Variants in SYT9 observed in about 807,000 individuals in gnomAD.
SYT9 encodes synaptotagmin-9.
Under a neutral mutation model 48.4 loss-of-function variants are expected in SYT9, and 22 were observed. The ratio of observed to expected loss-of-function variants is 0.45; its 90% CI spans 0.32 to 0.65. SYT9 has a LOEUF of 0.65. Among genes scored for constraint, SYT9 ranks in the 30% least tolerant of loss-of-function variants. The pLI, the probability that SYT9 is intolerant of heterozygous loss-of-function variation, is 0.03. For synonymous variants in SYT9, 265 were observed against 245.0 expected (o/e 1.08, Z -0.76); for missense variants, 577 against 622.0 (o/e 0.93, Z 0.77).
In SYT9 at chr11:7,242,973, G is replaced by A. The variant is rs1847755076; in HGVS notation, c.49+4057G>A. ...AGGCGGGAGAATTGCTTGAACCCGG[G>A]AGGCGGAGGTTGCAGTGAGCTGAGA... On this transcript the variant is annotated intron_variant and NMD_transcript_variant, in intron 1 of 8. Coordinates refer to the SYT9 transcript ENST00000524820. 2.6e-5 allele frequency among the ~76,000 whole-genome samples: 4 copies of A among 152,270 alleles called. No individual in the cohort carries two copies. The South Asian group carries it at 8.3e-4, about 32-fold the overall frequency.
At chr11:7,431,191 A>G (rs1451844119) in intron 6 of SYT9, among the ~76,000 whole-genome samples, 3 of 152,236 alleles carry the variant, frequency 2.0e-5, no homozygotes, top group African/African-American at 7.2e-5. Context: ...ATTGGGAACA[A>G]GAGCAAAGGT....
chr11:7,320,049 T>C (rs1046273681), intron 3 of SYT9, among the ~76,000 whole-genome samples: 1 of 152,244 alleles, frequency 6.6e-6, no homozygotes, highest in African/African-American at 2.4e-5. Context: ...AAAGCCATTT[T>C]GCTTATACTA....
chr11:7,247,697 T>C (rs1488356555), upstream of SYT9, among the ~76,000 whole-genome samples: 1 of 149,452 alleles, frequency 6.7e-6, no homozygotes, highest in East Asian at 2.0e-4. Context: ...TATATATATA[T>C]ATATCACAGT....
chr11:7,386,861 C>T (rs547804596), intron 3 of SYT9, among the ~76,000 whole-genome samples: 72 of 152,252 alleles, frequency 4.7e-4, no homozygotes, highest in African/African-American at 1.5e-3. Context: ...ATGTTTATTG[C>T]GGCACTATTC....
intron 6 of SYT9, among the ~76,000 whole-genome samples, chr11:7,451,687 G>A (rs527599070): frequency 2.0e-5 from 3 of 152,264 alleles, no homozygotes; most frequent in East Asian, 1.9e-4. Context: ...GGAACTATCC[G>A]GAAAAGTCAC....
chr11:7,364,394 C>A (rs1483309425), intron 3 of SYT9, among the ~76,000 whole-genome samples: 2 of 152,146 alleles, frequency 1.3e-5, no homozygotes, highest in African/African-American at 4.8e-5. Context: ...CAATACATAG[C>A]TACATTTTGT....
At chr11:7,284,815 A>G (rs1421655854) in intron 1 of SYT9, among the ~76,000 whole-genome samples, 2 of 152,180 alleles carry the variant, frequency 1.3e-5, no homozygotes, top group South Asian at 2.1e-4. Context: ...TTAGTCTTCT[A>G]TGTTTACTTG....
At chr11:7,406,263 A>G (rs1287919566) in intron 3 of SYT9, among the ~76,000 whole-genome samples, 2 of 151,946 alleles carry the variant, frequency 1.3e-5, no homozygotes, top group Admixed American at 6.6e-5. Flanking sequence ...ATTGGAGCCT[A>G]TTCTTCTATC....
chr11:7,245,930 A>C (rs1847786227), intron 1 of SYT9, among the ~76,000 whole-genome samples: 1 of 151,918 alleles, frequency 6.6e-6, no homozygotes, highest in Non-Finnish European at 1.5e-5. Flanking sequence ...CCGAGGAACC[A>C]GCATTTTCAT....
intron 3 of SYT9, among the ~76,000 whole-genome samples, chr11:7,404,964 A>G (rs574783433): frequency 6.6e-6 from 1 of 152,244 alleles, no homozygotes; most frequent in African/African-American, 2.4e-5. Flanking sequence ...CTTTCTAACA[A>G]TACCATATTT....
At chr11:7,391,126 C>T (rs142357400) in intron 3 of SYT9, among the ~76,000 whole-genome samples, 52 of 152,266 alleles carry the variant, frequency 3.4e-4, no homozygotes, top group East Asian at 2.1e-3. Context: ...TGACCTCCAA[C>T]GGCATTTGTG....
chr11:7,267,849 A>T (rs1343079083), intron 1 of SYT9, among the ~76,000 whole-genome samples: 2 of 151,900 alleles, frequency 1.3e-5, no homozygotes, highest in Non-Finnish European at 2.9e-5. Context: ...TGCTATTCTG[A>T]TCAAGGAAAA....
intron 6 of SYT9, among the ~76,000 whole-genome samples, chr11:7,448,201 G>A (rs1017156359): frequency 2.0e-5 from 3 of 152,236 alleles, no homozygotes; most frequent in African/African-American, 2.4e-5. Flanking sequence ...ACAGTCTAGT[G>A]ACTTTGTGAA....
chr11:7,462,506 T>C (rs1246168949), intron 6 of SYT9, among the ~76,000 whole-genome samples: 1 of 152,224 alleles, frequency 6.6e-6, no homozygotes, highest in East Asian at 1.9e-4. Flanking sequence ...AATGTCCTCT[T>C]TACAGAAAGA....
chr11:7,245,753 A>T (rs929338898), intron 1 of SYT9, among the ~76,000 whole-genome samples: 1 of 152,212 alleles, frequency 6.6e-6, no homozygotes, highest in African/African-American at 2.4e-5. Flanking sequence ...CCCTTTTATA[A>T]CAGCATAATT....
intron 1 of SYT9, among the ~76,000 whole-genome samples, chr11:7,283,332 A>C (rs1381831332): frequency 6.6e-6 from 1 of 152,028 alleles, no homozygotes; most frequent in Non-Finnish European, 1.5e-5. Flanking sequence ...GATGGAGAAA[A>C]ACTGTGAAAG....
At position 7,416,609 on chromosome 11, in the gene SYT9, C is replaced by T. The variant is rs1054196580; in HGVS notation, c.1165+447C>T. ...AACAATACAGTATAACAACTATTTACACAGCATTTATGCCTGATTAGGTAT... is the reference window on the plus strand; with the variant it reads ...AACAATACAGTATAACAACTATTTATACAGCATTTATGCCTGATTAGGTAT... On this transcript the variant is annotated intron_variant, in intron 4 of 6. Coordinates refer to ENST00000318881, the MANE Select transcript of SYT9 (RefSeq NM_175733.4). Among the ~76,000 whole-genome samples, 7 of 152,282 alleles carry T rather than the reference C, an allele frequency of 4.6e-5. No individual in the cohort carries two copies. The East Asian group carries it at 9.6e-4, about 21-fold the overall frequency.
At chr11:7,389,505 C>A (rs1472668949) in intron 3 of SYT9, among the ~76,000 whole-genome samples, 1 of 152,028 alleles carries the variant, frequency 6.6e-6, no homozygotes, top group Non-Finnish European at 1.5e-5. Flanking sequence ...AGTAGATGAA[C>A]TACAAAAGGA....
intron 3 of SYT9, among the ~76,000 whole-genome samples, chr11:7,323,156 T>C (rs1849366801): frequency 6.6e-6 from 1 of 152,136 alleles, no homozygotes; most frequent in South Asian, 2.1e-4. Context: ...TAATCTTTCT[T>C]GTATGTGTCT....
Sources: gnomAD v4.1 joint callset for allele counts (sites outside exome capture counted in the v4.1 genomes callset) on GRCh38, gnomAD v4.1.1 for gene constraint, MANE v1.5 for transcripts, NCBI Gene and HGNC (gene_info 2026-07-23, HGNC 2026-07-21) for gene names.